The following PRKCE variants were observed in gnomAD, a reference collection of about 807,000 sequenced individuals.
PRKCE encodes the protein protein kinase C epsilon, also known as protein kinase C epsilon type.
PRKCE carries 16 observed loss-of-function variants against 85.4 expected under a neutral mutation model. The observed-to-expected ratio is 0.19, with a 90% confidence interval of 0.13 to 0.28. PRKCE has a LOEUF of 0.28. PRKCE is among the 10% of genes least tolerant of loss of function. The probability of loss-of-function intolerance (pLI) is 1.00; values close to 1 mark genes in which losing one functional copy is unlikely to be tolerated. For synonymous variants in PRKCE, 388 were observed against 371.5 expected (o/e 1.04, Z -0.51); for missense variants, 573 against 975.2 (o/e 0.59, Z 5.49).
chr2:45,696,047 G>A (rs983581211), intron 1 of PRKCE, among the ~76,000 whole-genome samples: 24 of 151,262 alleles, frequency 1.6e-4, no homozygotes, highest in African/African-American at 4.9e-4. Flanking sequence ...CCATTAACTC[G>A]TCATTTAGCA....
intron 2 of PRKCE, 110 bp from the exon 3 acceptor site, chr2:45,976,319 C>A (rs373854874): frequency 3.0e-6 from 4 of 1,314,270 alleles, no homozygotes; most frequent in African/African-American, 2.9e-5. Flanking sequence ...CTACCTCTCA[C>A]CCACCCCAGC....
At chr2:46,153,262 T>C (rs1028171167) in intron 13 of PRKCE, among the ~76,000 whole-genome samples, 1 of 152,232 alleles carries the variant, frequency 6.6e-6, no homozygotes, top group Non-Finnish European at 1.5e-5. Flanking sequence ...AGTATGTTCA[T>C]TCATGCATTC....
At chr2:46,050,746 T>C (rs915317894) in intron 10 of PRKCE, among the ~76,000 whole-genome samples, 1 of 152,212 alleles carries the variant, frequency 6.6e-6, no homozygotes, top group African/African-American at 2.4e-5. Flanking sequence ...TGATTTCTTT[T>C]TTCCCCCCCA....
intron 10 of PRKCE, among the ~76,000 whole-genome samples, chr2:46,019,667 A>G (rs1302517390): frequency 1.3e-5 from 2 of 152,106 alleles, no homozygotes; most frequent in Non-Finnish European, 2.9e-5. Flanking sequence ...CCTATGGTAA[A>G]ACTGGTTTCC....
In PRKCE at chr2:45,907,539, G is replaced by T. The variant is rs935649; in HGVS notation, c.412+64476G>T. ...ATCGCAGGCCCTGTTCATCTCTCCG[G>T]GCAGTGGCATAGCAGGCAGTGAGCG... is the stretch of plus-strand genomic sequence containing the variant. On this transcript the variant is annotated intron_variant, in intron 2 of 14. Coordinates refer to ENST00000306156, the MANE Select transcript of PRKCE (RefSeq NM_005400.3). This position sits in a 1 kb window ranked among gnomAD's most constrained non-coding sequence, Gnocchi z 4.5. Among the ~76,000 whole-genome samples, 6,690 of 152,260 alleles carry T rather than the reference G, an allele frequency of 0.044. 520 individuals are homozygous for T. The highest frequency in any genetic ancestry group is 0.15 in the African/African-American group (6,408 of 41,528).
At chr2:45,685,996 G>T (rs1284475487) in intron 1 of PRKCE, among the ~76,000 whole-genome samples, 2 of 152,180 alleles carry the variant, frequency 1.3e-5, no homozygotes, top group Non-Finnish European at 1.5e-5. Flanking sequence ...AAGTATAGGA[G>T]ATTTTGCATC....
intron 11 of PRKCE, among the ~76,000 whole-genome samples, chr2:46,141,504 T>A (rs1333070410): frequency 6.6e-6 from 1 of 152,208 alleles, no homozygotes; most frequent in East Asian, 1.9e-4. Context: ...AAAGGGTGAC[T>A]AGGGAATGGA....
At chr2:45,951,642 A>G (rs933286488) in intron 2 of PRKCE, among the ~76,000 whole-genome samples, 4 of 152,226 alleles carry the variant, frequency 2.6e-5, no homozygotes, top group African/African-American at 9.6e-5. Flanking sequence ...AGCTGAGCCA[A>G]TGCAACTCTG....
chr2:46,156,936 CA>C (rs1321612935), intron 13 of PRKCE, among the ~76,000 whole-genome samples: 1 of 152,198 alleles, frequency 6.6e-6, no homozygotes, highest in Non-Finnish European at 1.5e-5. Flanking sequence ...TAGGTATATA[CA>C]AGCAATACAA....
At chr2:45,794,868 CT>C (rs1044390652) in intron 1 of PRKCE, among the ~76,000 whole-genome samples, 1 of 103,532 alleles carries the variant, frequency 9.7e-6, no homozygotes, top group South Asian at 3.6e-4. Flanking sequence ...TCCACCATTT[CT>C]TTTTTTCTTA....
At chr2:46,036,449 G>C (rs1211449647) in intron 10 of PRKCE, among the ~76,000 whole-genome samples, 1 of 152,088 alleles carries the variant, frequency 6.6e-6, no homozygotes, top group Non-Finnish European at 1.5e-5. Context: ...CATTAGCCAG[G>C]TATGGTGGTA....
chr2:45,829,087 A>T (rs1267680220), intron 1 of PRKCE, among the ~76,000 whole-genome samples: 1 of 152,120 alleles, frequency 6.6e-6, no homozygotes, highest in Non-Finnish European at 1.5e-5. Context: ...TTATTTAAAT[A>T]ATTTTATTAT....
At chr2:45,863,592 G>A (rs1402989607) in intron 2 of PRKCE, among the ~76,000 whole-genome samples, 1 of 152,074 alleles carries the variant, frequency 6.6e-6, no homozygotes, top group East Asian at 1.9e-4. Context: ...CTCTCAAGGA[G>A]TTCATGTTTT....
At chr2:45,729,927 T>A (rs1681422282) in intron 1 of PRKCE, among the ~76,000 whole-genome samples, 1 of 152,178 alleles carries the variant, frequency 6.6e-6, no homozygotes, top group African/African-American at 2.4e-5. Context: ...CAGATCAGCA[T>A]GGAGGAGATC....
intron 10 of PRKCE, among the ~76,000 whole-genome samples, chr2:46,054,038 T>C (rs1432826347): frequency 6.6e-6 from 1 of 152,232 alleles, no homozygotes; most frequent in Non-Finnish European, 1.5e-5. Context: ...CTTACTGCTC[T>C]CTCACAATCT....
chr2:45,721,915 G>A (rs1358921686), intron 1 of PRKCE, among the ~76,000 whole-genome samples: 1 of 151,000 alleles, frequency 6.6e-6, no homozygotes, highest in Non-Finnish European at 1.5e-5. Context: ...TGGGATTTGA[G>A]CATCTTTCTT....
intron 1 of PRKCE, among the ~76,000 whole-genome samples, chr2:45,690,024 T>C (rs1677607512): frequency 6.6e-6 from 1 of 152,196 alleles, no homozygotes; most frequent in South Asian, 2.1e-4. Flanking sequence ...CTTATGCATA[T>C]GTCTTTTGGA....
chr2:45,715,275 T>C (rs1225498108), intron 1 of PRKCE, among the ~76,000 whole-genome samples: 1 of 152,206 alleles, frequency 6.6e-6, no homozygotes, highest in East Asian at 1.9e-4. Context: ...ACTCTCCCTA[T>C]GTATATTGAT....
chr2:45,785,121 TA>T (rs900611854), intron 1 of PRKCE, among the ~76,000 whole-genome samples: 98 of 152,204 alleles, frequency 6.4e-4, no homozygotes, highest in Non-Finnish European at 4.3e-4. Flanking sequence ...TTCATTGCAT[TA>T]AAAAATACTA....
Sources: allele counts gnomAD v4.1 joint callset (sites outside exome capture counted in the v4.1 genomes callset), GRCh38; gene constraint gnomAD v4.1.1; non-coding constraint Gnocchi (gnomAD v3.1); transcripts MANE v1.5; gene names NCBI Gene and HGNC (gene_info 2026-07-23, HGNC 2026-07-21).